CPXM1: variants seen among roughly 807,000 people sequenced by gnomAD.
CPXM1 encodes probable carboxypeptidase X1.
In CPXM1, 72 loss-of-function variants were observed where a neutral mutation model predicts 80.4. The ratio of observed to expected loss-of-function variants is 0.90; its 90% confidence interval spans 0.74 to 1.09. The LOEUF (loss-of-function observed/expected upper bound fraction) is 1.09. CPXM1 is among the 50% of genes least tolerant of loss of function. CPXM1 has a pLI of 0.00. For synonymous variants in CPXM1, 403 were observed against 405.6 expected (o/e 0.99, Z 0.08); for missense variants, 892 against 999.4 (o/e 0.89, Z 1.45).
intron 5 of CPXM1, 104 bp downstream of exon 5, chr20:2,797,864 C>G: frequency 1.9e-6 from 2 of 1,037,586 alleles, no homozygotes; most frequent in South Asian, 1.4e-5. Flanking sequence ...CCCTGGGAAG[C>G]CTAAGCTGGC....
chr20:2,799,200 G>A (rs934493613), intron 1 of CPXM1, among the ~76,000 whole-genome samples: 1 of 152,154 alleles, frequency 6.6e-6, no homozygotes, highest in Non-Finnish European at 1.5e-5. Context: ...AGCTGAGTCT[G>A]GCACTTTACC....
At position 2,797,017 on chromosome 20, in the gene CPXM1, C is replaced by G; in HGVS notation, c.910G>C (p.Ala304Pro). 6.2e-7 allele frequency: 1 copy of G among 1,613,988 alleles called. No individual in the cohort carries two copies. Among genetic ancestry groups the G allele is most frequent in the Non-Finnish European group, 8.5e-7 (1 of 1,179,932 alleles). Reference sequence around the variant, plus strand: ...GGGTTATATCTGACCTTCCTCATGGCCTTGTAATTGTGATGCTGAAAGTCT... The same window carrying G: ...GGGTTATATCTGACCTTCCTCATGGGCTTGTAATTGTGATGCTGAAAGTCT... ...PLDFQHHNYK[A>P]MRKLMKQVQE... The change falls in exon 7 of 14, where the codon GCC becomes CCC. Residue 304 changes from alanine (A) to proline (P), a missense_variant. Ala to Pro is a conservative substitution (Grantham distance 27). Coordinates refer to ENST00000380605, the MANE Select transcript of CPXM1 (RefSeq NM_019609.5).
chr20:2,798,955 G>T (rs1051461384), intron 1 of CPXM1, 62 bp from the exon 2 acceptor site: 7 of 1,542,444 alleles, frequency 4.5e-6, no homozygotes, highest in South Asian at 1.2e-5. Context: ...GGATGGAAAG[G>T]TCTGCCAGCC....
intron 5 of CPXM1, 81 bp downstream of exon 5, chr20:2,797,887 T>A: frequency 7.8e-7 from 1 of 1,279,942 alleles, no homozygotes; most frequent in Non-Finnish European, 1.1e-6. Context: ...CTATTCCTTG[T>A]CCTCAGAGGA....
At position 2,798,763 on chromosome 20, in the gene CPXM1, T is replaced by C; in HGVS notation, c.303A>G (p.Pro101=). The C allele has an allele frequency of 6.2e-7, 1 of 1,613,750 alleles. No individual in the cohort carries two copies. The highest frequency in any genetic ancestry group is 8.5e-7 in the Non-Finnish European group (1 of 1,179,930). The change falls in exon 2 of 14, where the codon CCA becomes CCG. Residue 101 remains proline (P), a synonymous_variant. Coordinates refer to ENST00000380605, the MANE Select transcript of CPXM1 (RefSeq NM_019609.5). ...VTAGPLVTPT[P]AGTLDPAEKQ... ...TCTCAGCGGGGTCGAGGGTCCCTGC[T>C]GGAGTGGGGGTCACAAGGGGCCCGG...
intron 1 of CPXM1, among the ~76,000 whole-genome samples, chr20:2,799,726 T>A (rs1224952556): frequency 6.6e-6 from 1 of 152,116 alleles, no homozygotes; most frequent in African/African-American, 2.4e-5. Context: ...CCTCTCCTAT[T>A]CCACATCTGG....
Position 2,796,960 on chromosome 20 carries a change from G to A in CPXM1, c.921+46C>T, listed in dbSNP as rs1241162303. 6.4e-6 allele frequency: 10 copies of A among 1,557,966 alleles called. No individual in the cohort carries two copies. The highest frequency in any genetic ancestry group is 1.4e-5 in the African/African-American group (1 of 73,800). On this transcript the variant is annotated intron_variant, in intron 7 of 13. Coordinates refer to ENST00000380605, the MANE Select transcript of CPXM1 (RefSeq NM_019609.5). This position sits in a 1 kb window ranked among gnomAD's most constrained non-coding sequence, Gnocchi z 6.8. Reference sequence around the variant, plus strand: ...CGGTGGGAAGGTGGGAAGGGGACCTGAGATGGGTGGGCCCTCCTTCCCAGG... The same window carrying A: ...CGGTGGGAAGGTGGGAAGGGGACCTAAGATGGGTGGGCCCTCCTTCCCAGG...
rs2088516319 is a variant in CPXM1 at position 2,796,981 on chromosome 20, C to T, written c.921+25G>A. 1.2e-6 allele frequency: 2 copies of T among 1,604,860 alleles called. No homozygotes were observed. Among genetic ancestry groups the T allele is most frequent in the South Asian group, 2.2e-5 (2 of 90,712 alleles). ...ACCTGAGATGGGTGGGCCCTCCTTC[C>T]CAGGTCATAGGGGTTATATCTGACC... On this transcript the variant is annotated intron_variant, in intron 7 of 13. Transcript: ENST00000380605. This position sits in a 1 kb window ranked among gnomAD's most constrained non-coding sequence, Gnocchi z 6.8.
chr20:2,794,133 C>G lies in CPXM1; in HGVS notation c.*57G>C. 1 of 1,544,036 alleles carries G rather than the reference C, an allele frequency of 6.5e-7. No homozygotes were observed. On this transcript the variant is annotated 3_prime_UTR_variant, in exon 14 of 14. Transcript: ENST00000380605. The surrounding 1 kb of genome is among the most constrained non-coding windows in gnomAD (Gnocchi z 5.2). ...CTCACTTTGTCCCTCCCTCTCTACTCTTCCCCTTCCCGTCTTGACAGGTCC... is the reference window on the plus strand; with the variant it reads ...CTCACTTTGTCCCTCCCTCTCTACTGTTCCCCTTCCCGTCTTGACAGGTCC...
At position 2,795,167 on chromosome 20, in the gene CPXM1, G is replaced by GT; in HGVS notation, c.1860+109dup. ...TACCAAGCATGGCCCATGGCATCTT[G>GT]TGAGTCTGAATGCTCAGCTGGACCT... On this transcript the variant is annotated intron_variant, in intron 12 of 13. Transcript: ENST00000380605. The surrounding 1 kb of genome is among the most constrained non-coding windows in gnomAD (Gnocchi z 5.4). The GT allele has an allele frequency of 7.7e-7, 1 of 1,301,598 alleles. No individual in the cohort carries two copies. Among genetic ancestry groups the GT allele is most frequent in the Non-Finnish European group, 1.1e-6 (1 of 930,592 alleles). 80.6% of individuals were successfully genotyped at this position (1,301,598 alleles called of 1,614,324 possible). A position where few individuals can be genotyped will look rare whatever the true frequency, so the allele number is the denominator to read the frequency against.
chr20:2,795,816 C>A lies in CPXM1; in HGVS notation c.1503G>T (p.Glu501Asp). 1 of 1,612,006 alleles carries A rather than the reference C, an allele frequency of 6.2e-7. No homozygotes were observed. The highest frequency in any genetic ancestry group is 8.5e-7 in the Non-Finnish European group (1 of 1,180,006). ...FVLSANLHGGELVVSYPFDMT... is the reference protein window; with the variant it reads ...FVLSANLHGGDLVVSYPFDMT... Reference sequence around the variant, plus strand: ...TGTCGAATGGGTAGGACACCACGAGCTCACCCCCGTGGAGGTTGGCACTTA... The same window carrying A: ...TGTCGAATGGGTAGGACACCACGAGATCACCCCCGTGGAGGTTGGCACTTA... Residue 501 changes from glutamate to aspartate, a missense_variant, in exon 11 of 14, where the codon GAG (glutamate) becomes GAT (aspartate). Coordinates refer to ENST00000380605, the MANE Select transcript of CPXM1 (RefSeq NM_019609.5). This position sits in a 1 kb window ranked among gnomAD's most constrained non-coding sequence, Gnocchi z 5.4.
intron 6 of CPXM1, 48 bp downstream of exon 6, chr20:2,797,144 C>A (rs774793492): frequency 3.7e-6 from 6 of 1,611,980 alleles, no homozygotes; most frequent in African/African-American, 1.3e-5. Context: ...GTGAAGGATG[C>A]ACCCTGCATC....
rs2088538265 is a variant in CPXM1, at chr20:2,798,836, T to C, written c.230A>G (p.Lys77Arg). 6.2e-7 allele frequency: 1 copy of C among 1,614,098 alleles called. No individual in the cohort carries two copies. The highest frequency in any genetic ancestry group is 1.7e-4 in the Middle Eastern group (1 of 6,052). The change falls in exon 2 of 14, where the codon AAG (lysine) becomes AGG (arginine). Residue 77 changes from lysine to arginine, a missense_variant. Physicochemically the swap from Lys to Arg is conservative, Grantham distance 26 (BLOSUM62 2). Coordinates refer to ENST00000380605, the MANE Select transcript of CPXM1 (RefSeq NM_019609.5). ...AGTTAGAGTTAGCTTCTTCCGCTTC[T>C]TCATAATGACCTTTTTCTTCTTGAT... is the stretch of plus-strand genomic sequence containing the variant. ...RVIKKKKVIM[K>R]KRKKLTLTRP...
intron 1 of CPXM1, among the ~76,000 whole-genome samples, chr20:2,799,979 C>A (rs1362076785): frequency 1.3e-5 from 2 of 152,214 alleles, no homozygotes; most frequent in African/African-American, 4.8e-5. Flanking sequence ...AGGCAGCATC[C>A]CACTGGCGCC....
At position 2,798,903 on chromosome 20, in the gene CPXM1, C is replaced by CCTCTCG. The variant is rs1266751792; in HGVS notation, c.173-11_173-10insCGAGAG. On this transcript the variant is annotated splice_polypyrimidine_tract_variant and intron_variant, in intron 1 of 13. Coordinates refer to ENST00000380605, the MANE Select transcript of CPXM1 (RefSeq NM_019609.5). ...TGCTGTTCTGAGGTCCCTTGGGGTC[C>CCTCTCG]GAGAGGCACAGCATGGGGGAAAGGA... 11 of 1,611,562 alleles carry CCTCTCG rather than the reference C, an allele frequency of 6.8e-6. No homozygotes were observed. The highest frequency in any genetic ancestry group is 1.3e-5 in the African/African-American group (1 of 74,788).
intron 5 of CPXM1, 83 bp from the exon 6 acceptor site, chr20:2,797,425 A>G (rs962548885): frequency 1.4e-5 from 19 of 1,397,162 alleles, no homozygotes; most frequent in Middle Eastern, 3.8e-4. Flanking sequence ...CAGGCCTCCA[A>G]GCTTACTGTC....
In CPXM1 at chr20:2,795,645, C is replaced by A; in HGVS notation, c.1674G>T (p.Val558=). ...RRPCHSQDFS[V]HGNIINGADW... is the part of the protein sequence containing the mutation. Reference sequence around the variant, plus strand: ...CAGCCCCGTTGATGATGTTGCCGTGCACGGAGAAGTCCTGGCTGTGGCAGG... The same window carrying A: ...CAGCCCCGTTGATGATGTTGCCGTGAACGGAGAAGTCCTGGCTGTGGCAGG... Residue 558 remains valine, a synonymous_variant, in exon 11 of 14, where the codon GTG becomes GTT. Transcript: ENST00000380605. This position sits in a 1 kb window ranked among gnomAD's most constrained non-coding sequence, Gnocchi z 5.4. The A allele has an allele frequency of 1.2e-6, 2 of 1,614,132 alleles. No homozygotes were observed. Among genetic ancestry groups the A allele is most frequent in the Non-Finnish European group, 1.7e-6 (2 of 1,180,010 alleles).
At position 2,800,602 on chromosome 20, in the gene CPXM1, G is replaced by T. The variant is rs1285933216; in HGVS notation, c.-30C>A. 7.6e-7 allele frequency: 1 copy of T among 1,316,242 alleles called. No individual in the cohort carries two copies. Among genetic ancestry groups the T allele is most frequent in the Non-Finnish European group, 9.7e-7 (1 of 1,035,894 alleles). The allele number at this position is 1,316,242 out of a possible 1,614,324, so 81.5% of individuals were successfully genotyped here. A position where few individuals can be genotyped will look rare whatever the true frequency, so the allele number is the denominator to read the frequency against. On this transcript the variant is annotated 5_prime_UTR_variant, in exon 1 of 14. Coordinates refer to ENST00000380605, the MANE Select transcript of CPXM1 (RefSeq NM_019609.5). ...GGGATTGAGTGCCAGGGGCGCGCGG[G>T]CTACGGCGGGTGGCGGGTCGGTCTC...
Position 2,796,604 on chromosome 20 carries a change from T to C in CPXM1, c.968A>G (p.Tyr323Cys). 2 of 1,614,146 alleles carry C rather than the reference T, an allele frequency of 1.2e-6. No individual in the cohort carries two copies. Among genetic ancestry groups the C allele is most frequent in the Non-Finnish European group, 1.7e-6 (2 of 1,180,002 alleles). ...GCCCTGGTAGCTCTTCCCAATGCTG[T>C]AGATGCGGGTGATGTTGGGGCATTG... Reference protein sequence around the residue: ...QEQCPNITRIYSIGKSYQGLK... With the variant: ...QEQCPNITRICSIGKSYQGLK... The change falls in exon 8 of 14, where the codon TAC becomes TGC. Residue 323 changes from tyrosine to cysteine, a missense_variant. Around this residue, in one of 2 missense-constraint regions of CPXM1, gnomAD observed 874 missense variants for 958.4 expected, o/e 0.91. Coordinates refer to ENST00000380605, the MANE Select transcript of CPXM1 (RefSeq NM_019609.5). This position sits in a 1 kb window ranked among gnomAD's most constrained non-coding sequence, Gnocchi z 6.8.
Sources: allele counts gnomAD v4.1 joint callset (sites outside exome capture counted in the v4.1 genomes callset), GRCh38; gene constraint gnomAD v4.1.1; regional missense constraint gnomAD v4.1.1; non-coding constraint Gnocchi (gnomAD v3.1); transcripts MANE v1.5; gene names NCBI Gene and HGNC (gene_info 2026-07-23, HGNC 2026-07-21).